The following LYRM4 variants were observed in gnomAD, a reference collection of about 807,000 sequenced individuals.
The protein encoded by LYRM4 is LYR motif containing 4.
LYRM4 carries 9 observed loss-of-function variants against 11.7 expected under a neutral mutation model. The ratio of observed to expected loss-of-function variants is 0.77; its 90% CI spans 0.46 to 1.34. LYRM4 has a LOEUF of 1.34. Ranked by LOEUF, LYRM4 falls within the 40% of genes most tolerant of loss-of-function variation. The pLI, the probability that LYRM4 is intolerant of heterozygous loss-of-function variation, is 0.00. For synonymous variants in LYRM4, 42 were observed against 40.4 expected (o/e 1.04, Z -0.15); for missense variants, 133 against 112.5 (o/e 1.18, Z -0.82).
chr6:5,199,027 C>A lies in LYRM4; in HGVS notation c.207+17591G>T, dbSNP rs528638751. ...TCCTCAAAAAGTTCAAACAGAGTCA[C>A]CATATGACCCAGCCATTCCACTTCT... On this transcript the variant is annotated intron_variant, in intron 2 of 2. Transcript: ENST00000330636. Among the ~76,000 whole-genome samples, 4 of 152,274 alleles carry A rather than the reference C, an allele frequency of 2.6e-5. No homozygotes were observed. The East Asian group carries it at 7.7e-4, about 29-fold the overall frequency.
chr6:5,155,873 C>A lies in LYRM4; in HGVS notation c.208-46382G>T, dbSNP rs570330608. Among the ~76,000 whole-genome samples the A allele has an allele frequency of 2.6e-5, 4 of 152,336 alleles. No homozygotes were observed. In the East Asian group the frequency reaches 7.7e-4, roughly 29 times the overall value. On this transcript the variant is annotated intron_variant, in intron 2 of 2. Coordinates refer to ENST00000330636, the MANE Select transcript of LYRM4 (RefSeq NM_020408.6). The stretch of plus-strand genomic sequence containing the variant: ...ATTGTGTATGTTCCAAAGTATTATA[C>A]ATGTTCCCTGTGAAATACACATTAG...
chr6:5,101,602 G>T (rs771028002), downstream of LYRM4, among the ~76,000 whole-genome samples: 8 of 152,166 alleles, frequency 5.3e-5, no homozygotes, highest in Non-Finnish European at 1.2e-4. Flanking sequence ...GTCCATACCT[G>T]GGGGCTGCAT....
Position 5,209,438 on chromosome 6 carries a change from CTAT to C in LYRM4, c.207+7177_207+7179del, listed in dbSNP as rs1159114336. On this transcript the variant is annotated intron_variant, in intron 2 of 2. Coordinates refer to ENST00000330636, the MANE Select transcript of LYRM4 (RefSeq NM_020408.6). ...TTATTACATTTTTATTGCACCCAGCCTATTATTACTTTTTAAATATGTAGATTG... is the reference window on the plus strand; with the variant it reads ...TTATTACATTTTTATTGCACCCAGCCTATTACTTTTTAAATATGTAGATTG... Among the ~76,000 whole-genome samples, 9 of 152,232 alleles carry C rather than the reference CTAT, an allele frequency of 5.9e-5. No individual in the cohort carries two copies. In the East Asian group the frequency reaches 1.5e-3, roughly 26 times the overall value.
chr6:5,182,117 T>C (rs943433716), intron 2 of LYRM4, among the ~76,000 whole-genome samples: 10 of 152,222 alleles, frequency 6.6e-5, no homozygotes, highest in African/African-American at 4.8e-5. Context: ...ACCAGTGCCC[T>C]GTCCAGGAAT....
intron 2 of LYRM4, among the ~76,000 whole-genome samples, chr6:5,140,131 G>C (rs1209795900): frequency 6.6e-6 from 1 of 151,212 alleles, no homozygotes; most frequent in African/African-American, 2.4e-5. Context: ...GGGAGGCTTA[G>C]GTGGGAAGAT....
At position 5,173,552 on chromosome 6, in the gene LYRM4, TTTC is replaced by T. The variant is rs369549915; in HGVS notation, c.207+43063_207+43065del. On this transcript the variant is annotated intron_variant, in intron 2 of 2. Transcript: ENST00000330636. ...ACATGATGTGTAAAATTACAATCCT[TTTC>T]TTTTCTATGAATGATATCCTACATT... is the stretch of plus-strand genomic sequence containing the variant. Among the ~76,000 whole-genome samples the T allele has an allele frequency of 6.3e-3, 967 of 152,352 alleles. 5 individuals carry two copies. Among genetic ancestry groups the T allele is most frequent in the African/African-American group, 0.022 (913 of 41,562 alleles).
intron 2 of LYRM4, among the ~76,000 whole-genome samples, chr6:5,189,854 C>T (rs1010989765): frequency 2.0e-5 from 3 of 152,210 alleles, no homozygotes; most frequent in Non-Finnish European, 4.4e-5. Flanking sequence ...TGTAGTACTA[C>T]TGTGTTCAAG....
chr6:5,135,656 CTTTCT>C (rs776595224), intron 2 of LYRM4, among the ~76,000 whole-genome samples: 3 of 152,148 alleles, frequency 2.0e-5, no homozygotes, highest in Non-Finnish European at 2.9e-5. Context: ...AAGACGAGAA[CTTTCT>C]TTTAAGTTTT....
chr6:5,106,117 T>A (rs1762657451), downstream of LYRM4: 1 of 152,300 alleles, frequency 6.6e-6, no homozygotes, highest in Non-Finnish European at 1.5e-5. Flanking sequence ...GCCCGTCCCA[T>A]CGGCTCTGGC....
At chr6:5,143,832 G>C (rs1467598992) in intron 2 of LYRM4, among the ~76,000 whole-genome samples, 1 of 152,242 alleles carries the variant, frequency 6.6e-6, no homozygotes, top group Non-Finnish European at 1.5e-5. Flanking sequence ...GCCTTTGTGA[G>C]CCACTGGCTG....
chr6:5,109,602 C>T, intron 2 of LYRM4, 111 bp from the exon 3 acceptor site: 1 of 1,114,840 alleles, frequency 9.0e-7, no homozygotes, highest in Non-Finnish European at 1.3e-6. Flanking sequence ...CATCCCAGGG[C>T]TGCTCCCTTC....
downstream of LYRM4, among the ~76,000 whole-genome samples, chr6:5,099,866 C>T (rs1198707345): frequency 6.6e-6 from 1 of 152,198 alleles, no homozygotes; most frequent in Non-Finnish European, 1.5e-5. The surrounding 1 kb of genome is among the most constrained non-coding windows in gnomAD (Gnocchi z 4.3). Context: ...CTGCTCTGAA[C>T]CATCTACTCA....
chr6:5,045,756 G>A, the LYRM4 span, among the ~76,000 whole-genome samples: 2 of 152,194 alleles, frequency 1.3e-5, no homozygotes, highest in African/African-American at 4.8e-5. Flanking sequence ...AATGGGAAAT[G>A]ATGATGGCAG....
the LYRM4 span, among the ~76,000 whole-genome samples, chr6:5,041,037 G>T: frequency 6.6e-6 from 1 of 152,100 alleles, no homozygotes; most frequent in East Asian, 1.9e-4. Context: ...GTGGTGGCCC[G>T]TGCCTGTAGT....
At chr6:5,058,099 T>C in the LYRM4 span, among the ~76,000 whole-genome samples, 10 of 152,264 alleles carry the variant, frequency 6.6e-5, no homozygotes, top group Admixed American at 5.9e-4. Context: ...AGGTTCCAAA[T>C]ACAACAACAT....
At chr6:5,174,266 C>A (rs1246775407) in intron 2 of LYRM4, among the ~76,000 whole-genome samples, 2 of 152,080 alleles carry the variant, frequency 1.3e-5, no homozygotes, top group African/African-American at 2.4e-5. Context: ...TACAGAGTAT[C>A]AAAAAATTCA....
At chr6:5,045,516 G>A in the LYRM4 span, among the ~76,000 whole-genome samples, 1 of 152,190 alleles carries the variant, frequency 6.6e-6, no homozygotes, top group Admixed American at 6.5e-5. Context: ...TTGGGAAGAT[G>A]AAAATGTTCT....
the LYRM4 span, chr6:5,067,089 G>A: frequency 3.2e-6 from 1 of 309,060 alleles, no homozygotes; most frequent in Non-Finnish European, 6.0e-6. Context: ...TATGCACTTG[G>A]CGGAAAAATT....
chr6:5,225,256 A>G (rs952533939), intron 1 of LYRM4, among the ~76,000 whole-genome samples: 10 of 151,884 alleles, frequency 6.6e-5, no homozygotes, highest in Non-Finnish European at 1.2e-4. Context: ...TCAAAAAAAA[A>G]AAAAAAAAAA....
Sources: gnomAD v4.1 joint callset for allele counts (sites outside exome capture counted in the v4.1 genomes callset) on GRCh38, gnomAD v4.1.1 for gene constraint, Gnocchi (gnomAD v3.1) non-coding constraint, MANE v1.5 for transcripts, NCBI Gene and HGNC (gene_info 2026-07-23, HGNC 2026-07-21) for gene names.